The following SLC35F3 variants were observed in gnomAD, a reference collection of about 807,000 sequenced individuals.
SLC35F3 encodes putative thiamine transporter SLC35F3.
SLC35F3 carries 25 observed loss-of-function variants against 49.9 expected under a neutral mutation model. That is an observed-to-expected ratio of 0.50 (90% CI 0.37 to 0.70). The LOEUF is 0.70. SLC35F3 is among the 30% of genes least tolerant of loss of function. The pLI is 0.00. For synonymous variants in SLC35F3, 275 were observed against 265.4 expected, an observed-to-expected ratio of 1.04 and a Z score of -0.35; for missense variants, 525 against 639.8, an observed-to-expected ratio of 0.82 and a Z score of 1.94.
chr1:234,239,511 A>T (rs1667521649), intron 3 of SLC35F3, among the ~76,000 whole-genome samples: 1 of 152,250 alleles, frequency 6.6e-6, no homozygotes, highest in South Asian at 2.1e-4. Flanking sequence ...ACCTGGAAAG[A>T]TCAAAAAAGG....
At chr1:234,234,876 C>T (rs1289972882) in intron 3 of SLC35F3, among the ~76,000 whole-genome samples, 1 of 152,200 alleles carries the variant, frequency 6.6e-6, no homozygotes, top group African/African-American at 2.4e-5. Context: ...TATGAAAGCG[C>T]CCTATACACT....
chr1:234,312,857 T>G (rs867736139), intron 4 of SLC35F3, among the ~76,000 whole-genome samples: 5 of 150,842 alleles, frequency 3.3e-5, no homozygotes, highest in South Asian at 2.1e-4. Context: ...TTTTAGGTTT[T>G]TTTGTTTGTT....
At chr1:233,980,139 G>A (rs1663157066) in intron 2 of SLC35F3, among the ~76,000 whole-genome samples, 1 of 152,224 alleles carries the variant, frequency 6.6e-6, no homozygotes, top group South Asian at 2.1e-4. Context: ...GCCTTGTGAA[G>A]AACATAGAAT....
In SLC35F3 at chr1:234,295,693, C is replaced by A. The variant is rs1412943515; in HGVS notation, c.609-13408C>A. Reference sequence around the variant, plus strand: ...CTTGTTAAACAATTATTTGAAAATTCTTTTTCATAGCGAGCTAAATATACT... The same window carrying A: ...CTTGTTAAACAATTATTTGAAAATTATTTTTCATAGCGAGCTAAATATACT... On this transcript the variant is annotated intron_variant, in intron 3 of 7. Coordinates refer to ENST00000366618, the MANE Select transcript of SLC35F3 (RefSeq NM_173508.4). Among the ~76,000 whole-genome samples the A allele has an allele frequency of 3.9e-5, 6 of 152,154 alleles. No individual in the cohort carries two copies. The East Asian group carries it at 5.8e-4, about 15-fold the overall frequency.
chr1:234,142,051 G>T (rs1242966569), intron 2 of SLC35F3, among the ~76,000 whole-genome samples: 1 of 152,112 alleles, frequency 6.6e-6, no homozygotes, highest in Non-Finnish European at 1.5e-5. Context: ...TAGCCCCTTG[G>T]TAAATATTTA....
chr1:234,287,804 T>C (rs1013103923), intron 3 of SLC35F3, among the ~76,000 whole-genome samples: 1 of 152,236 alleles, frequency 6.6e-6, no homozygotes, highest in Non-Finnish European at 1.5e-5. Flanking sequence ...GATCATTCAC[T>C]TTGTCTGTAA....
chr1:234,214,390 C>A lies in SLC35F3; in HGVS notation c.284-17027C>A. The A allele has an allele frequency of 7.3e-7, 1 of 1,367,708 alleles. No individual in the cohort carries two copies. The allele number at this position is 1,367,708 out of a possible 1,614,324, so 84.7% of individuals were successfully genotyped here. A position where few individuals can be genotyped will look rare whatever the true frequency, so the allele number is the denominator to read the frequency against. ...CTGAGAGGGGCGAGCCGCTGGTGCTCCCCGGCGGCAGAGGGCCGCGTCGGC... is the reference window on the plus strand; with the variant it reads ...CTGAGAGGGGCGAGCCGCTGGTGCTACCCGGCGGCAGAGGGCCGCGTCGGC... On this transcript the variant is annotated intron_variant, in intron 2 of 7. Coordinates refer to ENST00000366618, the MANE Select transcript of SLC35F3 (RefSeq NM_173508.4). The surrounding 1 kb of genome is among the most constrained non-coding windows in gnomAD (Gnocchi z 8.0).
intron 2 of SLC35F3, among the ~76,000 whole-genome samples, chr1:233,909,380 G>A (rs1661832539): frequency 6.6e-6 from 1 of 152,088 alleles, no homozygotes; most frequent in Non-Finnish European, 1.5e-5. Flanking sequence ...GTGGATCCAG[G>A]GCCCAGAAAG....
Position 233,955,760 on chromosome 1 carries a change from G to T in SLC35F3, c.283+50002G>T, listed in dbSNP as rs184928357. Among the ~76,000 whole-genome samples the T allele has an allele frequency of 3.0e-5, 4 of 132,556 alleles. No individual in the cohort carries two copies. In the South Asian group the frequency reaches 8.0e-4, roughly 27 times the overall value. The allele number at this position is 132,556 out of a possible 152,430, so 87.0% of individuals were successfully genotyped here. On this transcript the variant is annotated intron_variant, in intron 2 of 7. Coordinates refer to ENST00000366618, the MANE Select transcript of SLC35F3 (RefSeq NM_173508.4). Reference sequence around the variant, plus strand: ...TGACTTCTCTACTTGAAAATCTCACGAACTGTTTTTTTTTTTTTTTTTGAG... The same window carrying T: ...TGACTTCTCTACTTGAAAATCTCACTAACTGTTTTTTTTTTTTTTTTTGAG...
At chr1:234,081,576 G>T (rs1228767336) in intron 2 of SLC35F3, among the ~76,000 whole-genome samples, 1 of 152,092 alleles carries the variant, frequency 6.6e-6, no homozygotes, top group South Asian at 2.1e-4. Context: ...TCTCTGACTG[G>T]AGTTACCTAT....
intron 3 of SLC35F3, among the ~76,000 whole-genome samples, chr1:234,259,278 T>C (rs143810644): frequency 2.0e-5 from 3 of 152,340 alleles, no homozygotes; most frequent in African/African-American, 7.2e-5. Context: ...CTCCAGTATA[T>C]TGCATAAGCC....
At chr1:234,056,439 T>G (rs1162547890) in intron 2 of SLC35F3, among the ~76,000 whole-genome samples, 3 of 152,208 alleles carry the variant, frequency 2.0e-5, no homozygotes, top group Non-Finnish European at 4.4e-5. Flanking sequence ...TAGTACATGG[T>G]ATCTGTGCAA....
At chr1:234,029,430 A>G (rs570194281) in intron 2 of SLC35F3, among the ~76,000 whole-genome samples, 2 of 152,308 alleles carry the variant, frequency 1.3e-5, no homozygotes, top group Admixed American at 6.5e-5. Flanking sequence ...CGGGTCTTAC[A>G]TGGCATTTGG....
intron 2 of SLC35F3, among the ~76,000 whole-genome samples, chr1:234,039,679 A>G (rs1423006096): frequency 6.6e-6 from 1 of 152,172 alleles, no homozygotes; most frequent in Non-Finnish European, 1.5e-5. Flanking sequence ...CCCTTCATGG[A>G]ACCCATGACA....
intron 3 of SLC35F3, among the ~76,000 whole-genome samples, chr1:234,243,731 A>G (rs1331639154): frequency 1.3e-5 from 2 of 152,206 alleles, no homozygotes; most frequent in Non-Finnish European, 2.9e-5. Flanking sequence ...TGAGACAGAG[A>G]TGGGTGACTC....
intron 3 of SLC35F3, among the ~76,000 whole-genome samples, chr1:234,284,319 C>T (rs552574877): frequency 6.6e-6 from 1 of 152,198 alleles, no homozygotes; most frequent in Non-Finnish European, 1.5e-5. Flanking sequence ...GTGATAAGGG[C>T]AGAATTCAAG....
At chr1:234,209,158 C>T (rs186640877) in intron 2 of SLC35F3, among the ~76,000 whole-genome samples, 1 of 152,258 alleles carries the variant, frequency 6.6e-6, no homozygotes, top group Admixed American at 6.5e-5. Flanking sequence ...AATGACCCAT[C>T]CTTTTGTCTG....
At chr1:233,946,421 A>C (rs1488162876) in intron 2 of SLC35F3, among the ~76,000 whole-genome samples, 1 of 152,244 alleles carries the variant, frequency 6.6e-6, no homozygotes, top group African/African-American at 2.4e-5. Flanking sequence ...AAAATTAAGA[A>C]AAGATATCGA....
At chr1:233,951,058 A>G (rs1315985328) in intron 2 of SLC35F3, among the ~76,000 whole-genome samples, 1 of 151,784 alleles carries the variant, frequency 6.6e-6, no homozygotes, top group Non-Finnish European at 1.5e-5. Context: ...TTGGCCAGAA[A>G]TGCTTTTCAT....
Sources: allele counts gnomAD v4.1 joint callset (sites outside exome capture counted in the v4.1 genomes callset), GRCh38; gene constraint gnomAD v4.1.1; non-coding constraint Gnocchi (gnomAD v3.1); transcripts MANE v1.5; gene names NCBI Gene and HGNC (gene_info 2026-07-23, HGNC 2026-07-21).